Variants in DPP6 observed in about 807,000 individuals in gnomAD.
DPP6 encodes the protein A-type potassium channel modulatory protein DPP6.
Under a neutral mutation model 122.6 loss-of-function variants are expected in DPP6, and 69 were observed. The observed-to-expected ratio is 0.56, with a 90% CI of 0.46 to 0.69. The LOEUF is 0.69. Ranked by LOEUF, DPP6 falls within the 30% of genes least tolerant of loss-of-function variation. The pLI is 0.00. For missense variants in DPP6, 928 were observed against 1,116.9 expected (o/e 0.83, Z 2.41); for synonymous variants, 418 against 433.1 (o/e 0.97, Z 0.43).
chr7:153,757,981 A>C, the DPP6 span, among the ~76,000 whole-genome samples: 3 of 152,192 alleles, frequency 2.0e-5, no homozygotes. Flanking sequence ...GAAGAAAGAA[A>C]GAACCATAGG....
intron 16 of DPP6, among the ~76,000 whole-genome samples, chr7:154,838,167 A>G (rs577372451): frequency 1.3e-5 from 2 of 152,366 alleles, no homozygotes; most frequent in East Asian, 3.9e-4. Context: ...CAGCAGTAAA[A>G]TAATTCTTAA....
chr7:154,159,645 C>T (rs2150704755), intron 1 of DPP6, among the ~76,000 whole-genome samples: 1 of 152,418 alleles, frequency 6.6e-6, no homozygotes, highest in African/African-American at 2.4e-5. Context: ...CAGACATGAA[C>T]TTGCGCACAA....
At chr7:154,133,782 C>T (rs2150641121) in intron 1 of DPP6, among the ~76,000 whole-genome samples, 1 of 148,654 alleles carries the variant, frequency 6.7e-6, no homozygotes, top group East Asian at 2.0e-4. Context: ...TGATCTTCTA[C>T]TCCTATCAGC....
chr7:153,921,293 T>C (rs1023568068), intron 1 of DPP6, among the ~76,000 whole-genome samples: 1 of 152,262 alleles, frequency 6.6e-6, no homozygotes, highest in African/African-American at 2.4e-5. Context: ...GGTTCTGGAA[T>C]TGATTGTTAT....
chr7:153,866,379 T>C, the DPP6 span, among the ~76,000 whole-genome samples: 1 of 152,352 alleles, frequency 6.6e-6, no homozygotes, highest in South Asian at 2.1e-4. Flanking sequence ...ATTGTGGTTT[T>C]GATTTGCATT....
At chr7:154,108,196 A>C (rs1806309390) in intron 1 of DPP6, among the ~76,000 whole-genome samples, 1 of 152,008 alleles carries the variant, frequency 6.6e-6, no homozygotes, top group Non-Finnish European at 1.5e-5. Flanking sequence ...TCATCATGAG[A>C]CTTCTGTGGG....
At chr7:154,780,664 A>G (rs1242317777) in intron 10 of DPP6, among the ~76,000 whole-genome samples, 4 of 152,230 alleles carry the variant, frequency 2.6e-5, no homozygotes, top group African/African-American at 9.6e-5. Context: ...TGACATCCGC[A>G]GTTTCTTCCC....
chr7:154,785,621 A>T (rs1159555411), intron 10 of DPP6, among the ~76,000 whole-genome samples: 1 of 152,164 alleles, frequency 6.6e-6, no homozygotes, highest in Non-Finnish European at 1.5e-5. Context: ...TCCTGTCCCT[A>T]CCACACAGCA....
intron 16 of DPP6, among the ~76,000 whole-genome samples, chr7:154,852,742 C>T (rs1802511020): frequency 6.6e-6 from 1 of 152,244 alleles, no homozygotes; most frequent in Non-Finnish European, 1.5e-5. Flanking sequence ...CTGATCATTA[C>T]ATATTATAAG....
At chr7:154,338,839 T>C (rs1266443368) in intron 1 of DPP6, among the ~76,000 whole-genome samples, 3 of 152,170 alleles carry the variant, frequency 2.0e-5, no homozygotes, top group African/African-American at 7.2e-5. Context: ...CTTCTGAACA[T>C]GACCTGAAAG....
chr7:154,870,166 G>GTTTTTA (rs1563304420), intron 18 of DPP6, among the ~76,000 whole-genome samples: 12 of 117,004 alleles, frequency 1.0e-4, no homozygotes, highest in East Asian at 6.9e-4. Context: ...TTTTTTTTTC[G>GTTTTTA]TAGAGACAGG....
the DPP6 span, among the ~76,000 whole-genome samples, chr7:153,847,112 A>AT: frequency 2.6e-5 from 4 of 152,272 alleles, no homozygotes; most frequent in South Asian, 6.2e-4. Flanking sequence ...AATATCTGTG[A>AT]TTTTTTAAAA....
At chr7:154,216,528 A>G (rs2150819422) in intron 1 of DPP6, among the ~76,000 whole-genome samples, 1 of 152,244 alleles carries the variant, frequency 6.6e-6, no homozygotes, top group Admixed American at 6.5e-5. Context: ...GATAAAGGAG[A>G]AGGATTGGTA....
chr7:153,937,270 G>A (rs965959140), intron 1 of DPP6, among the ~76,000 whole-genome samples: 5 of 152,124 alleles, frequency 3.3e-5, no homozygotes, highest in Admixed American at 3.3e-4. Flanking sequence ...AGATTACGCT[G>A]GCTGATGGCT....
rs547875004 is a variant in DPP6 at position 154,724,935 on chromosome 7, A to G, written c.763-2832A>G. On this transcript the variant is annotated intron_variant, in intron 7 of 25. Transcript: ENST00000377770. ...TAAAATGGCAAATTGTATGTAATGC[A>G]TATTTTATCAGAACAGTAAATTTTT... 5.3e-4 allele frequency among the ~76,000 whole-genome samples: 81 copies of G among 152,328 alleles called. 2 individuals are homozygous for G. The South Asian group carries it at 0.016, about 30-fold the overall frequency.
chr7:154,855,868 A>G (rs1201573638), intron 17 of DPP6, among the ~76,000 whole-genome samples: 2 of 152,086 alleles, frequency 1.3e-5, no homozygotes, highest in Non-Finnish European at 2.9e-5. Context: ...TGAGTATTTG[A>G]TAAGATTTAG....
intron 5 of DPP6, among the ~76,000 whole-genome samples, chr7:154,612,403 A>G (rs1833967734): frequency 6.6e-6 from 1 of 152,248 alleles, no homozygotes; most frequent in African/African-American, 2.4e-5. Flanking sequence ...AAACAGATTT[A>G]TAAAATATGT....
At chr7:153,960,623 C>T (rs1396649893) in intron 1 of DPP6, among the ~76,000 whole-genome samples, 1 of 67,058 alleles carries the variant, frequency 1.5e-5, no homozygotes, top group Non-Finnish European at 2.8e-5. Context: ...CTCAGCTTAG[C>T]AGCCTGTCTG....
intron 1 of DPP6, among the ~76,000 whole-genome samples, chr7:154,181,966 C>G (rs1379864247): frequency 6.6e-6 from 1 of 151,978 alleles, no homozygotes; most frequent in Non-Finnish European, 1.5e-5. Context: ...GTTGATCAGG[C>G]TGGTCTCGAA....
Sources: gnomAD v4.1 joint callset for allele counts (sites outside exome capture counted in the v4.1 genomes callset) on GRCh38, gnomAD v4.1.1 for gene constraint, MANE v1.5 for transcripts, NCBI Gene and HGNC (gene_info 2026-07-23, HGNC 2026-07-21) for gene names.